The following C1QTNF2 variants were observed in gnomAD, a reference collection of about 807,000 sequenced individuals.
The protein encoded by C1QTNF2 is C1q and TNF related 2.
In C1QTNF2, 15 loss-of-function variants were observed where a neutral mutation model predicts 17.4. The observed-to-expected ratio is 0.86, with a 90% CI of 0.58 to 1.33. The LOEUF (loss-of-function observed/expected upper bound fraction) is 1.33, where lower values mean the gene tolerates loss of function less well. Among genes scored for constraint, C1QTNF2 ranks in the 40% most tolerant of loss-of-function variants. The probability of loss-of-function intolerance (pLI) is 0.00; values close to 1 mark genes in which losing one functional copy is unlikely to be tolerated. For synonymous variants in C1QTNF2, 154 were observed against 163.3 expected, an observed-to-expected ratio of 0.94 and a Z score of 0.44; for missense variants, 381 against 392.3, an observed-to-expected ratio of 0.97 and a Z score of 0.24.
chr5:160,362,190 G>T (rs1764167029), intron 1 of C1QTNF2, among the ~76,000 whole-genome samples: 1 of 152,168 alleles, frequency 6.6e-6, no homozygotes, highest in South Asian at 2.1e-4. Flanking sequence ...AACAGGGTGT[G>T]GACCAAGCTG....
chr5:160,369,536 A>AT (rs1200598380), intron 1 of C1QTNF2, among the ~76,000 whole-genome samples: 3 of 152,206 alleles, frequency 2.0e-5, no homozygotes, highest in Non-Finnish European at 4.4e-5. Context: ...GAGAGGACAG[A>AT]TTTTTAACAG....
intron 1 of C1QTNF2, among the ~76,000 whole-genome samples, chr5:160,355,621 G>T (rs1403818489): frequency 2.0e-5 from 3 of 152,146 alleles, no homozygotes; most frequent in African/African-American, 7.2e-5. Context: ...TTCATTACTT[G>T]ATCTTCACAA....
chr5:160,355,664 G>A (rs574598757), intron 1 of C1QTNF2, among the ~76,000 whole-genome samples: 13 of 152,310 alleles, frequency 8.5e-5, no homozygotes, highest in African/African-American at 2.4e-4. Context: ...GAGAAGAAGC[G>A]GAGGCTCAGA....
At chr5:160,369,060 TAAA>T (rs34894197) in intron 1 of C1QTNF2, among the ~76,000 whole-genome samples, 3 of 146,838 alleles carry the variant, frequency 2.0e-5, no homozygotes, top group Non-Finnish European at 3.0e-5. Context: ...TCTTTGAGTT[TAAA>T]AAAAAAAAAA....
intron 1 of C1QTNF2, among the ~76,000 whole-genome samples, chr5:160,365,867 C>G (rs1027160693): frequency 4.6e-5 from 7 of 152,236 alleles, no homozygotes; most frequent in African/African-American, 1.7e-4. Context: ...AAATTGTAAA[C>G]TGTATTTATG....
chr5:160,363,071 C>A (rs879746293), intron 1 of C1QTNF2, among the ~76,000 whole-genome samples: 6 of 152,150 alleles, frequency 3.9e-5, no homozygotes, highest in African/African-American at 7.2e-5. Flanking sequence ...GAGGAGGACA[C>A]CCAAATCTCA....
At position 160,349,158 on chromosome 5, in the gene C1QTNF2, C is replaced by T. The variant is rs189350757; in HGVS notation, c.*10G>A. The T allele has an allele frequency of 5.6e-6, 9 of 1,600,460 alleles. No homozygotes were observed. The highest frequency in any genetic ancestry group is 7.7e-6 in the Non-Finnish European group (9 of 1,171,382). Reference sequence around the variant, plus strand: ...GCTTGTTCCCTGCCTGGAGGACCGCCGTGGCATGTCTATACCTCGTTGGGG... The same window carrying T: ...GCTTGTTCCCTGCCTGGAGGACCGCTGTGGCATGTCTATACCTCGTTGGGG... On this transcript the variant is annotated 3_prime_UTR_variant, in exon 3 of 3. Coordinates refer to ENST00000652664, the MANE Select transcript of C1QTNF2 (RefSeq NM_031908.6). The surrounding 1 kb of genome is among the most constrained non-coding windows in gnomAD (Gnocchi z 4.3).
intron 1 of C1QTNF2, among the ~76,000 whole-genome samples, chr5:160,367,322 C>T (rs566638296): frequency 6.6e-6 from 1 of 152,348 alleles, no homozygotes; most frequent in South Asian, 2.1e-4. Context: ...TTGGGCAGGT[C>T]AACAGGTAGC....
chr5:160,357,346 T>G (rs1764070038), intron 1 of C1QTNF2, among the ~76,000 whole-genome samples: 1 of 151,966 alleles, frequency 6.6e-6, no homozygotes, highest in African/African-American at 2.4e-5. Flanking sequence ...TAGGCAAAAA[T>G]AAGGATGCAG....
At chr5:160,367,200 G>T (rs1029000186) in intron 1 of C1QTNF2, among the ~76,000 whole-genome samples, 21 of 152,116 alleles carry the variant, frequency 1.4e-4, no homozygotes, top group African/African-American at 5.1e-4. Flanking sequence ...TTTGTTTTGG[G>T]TTTTTAATTT....
chr5:160,358,147 G>T (rs956422509), intron 1 of C1QTNF2, among the ~76,000 whole-genome samples: 62 of 152,378 alleles, frequency 4.1e-4, no homozygotes, highest in African/African-American at 1.4e-3. Context: ...AGCGTTTTCT[G>T]AACTGGAGCC....
intron 1 of C1QTNF2, among the ~76,000 whole-genome samples, chr5:160,358,314 A>C (rs7704751): frequency 0.63 from 95,306 of 151,996 alleles, 29,964 homozygotes; most frequent in Middle Eastern, 0.76. Context: ...AAACAAGGCT[A>C]CAAATAGCCC....
chr5:160,354,502 C>T (rs2113510376), intron 2 of C1QTNF2, among the ~76,000 whole-genome samples: 1 of 150,170 alleles, frequency 6.7e-6, no homozygotes, highest in Non-Finnish European at 1.5e-5. Context: ...TTGCTTGATC[C>T]CAGGAGGCAG....
intron 1 of C1QTNF2, among the ~76,000 whole-genome samples, chr5:160,363,947 C>T (rs535627254): frequency 7.9e-5 from 12 of 152,182 alleles, no homozygotes; most frequent in African/African-American, 2.2e-4. Flanking sequence ...CTGACCACAG[C>T]GGTGGGGGAG....
chr5:160,356,416 GC>G (rs1764052342), intron 1 of C1QTNF2, among the ~76,000 whole-genome samples: 1 of 152,202 alleles, frequency 6.6e-6, no homozygotes, highest in Non-Finnish European at 1.5e-5. Context: ...AGGTTGTTGG[GC>G]CTTATCCCCA....
chr5:160,349,626 C>A lies in C1QTNF2; in HGVS notation c.400G>T (p.Glu134Ter), dbSNP rs746404084. ...GKKGPKGKKGEPGLPGPCSCG... is the reference protein window; with the variant it reads ...GKKGPKGKKG Reference sequence around the variant, plus strand: ...CTGCAGGGGCCTGGGAGGCCTGGCTCCCCCTTCTTGCCCTTGGGCCCCTTC... The same window carrying A: ...CTGCAGGGGCCTGGGAGGCCTGGCTACCCCTTCTTGCCCTTGGGCCCCTTC... The change falls in exon 3 of 3, where the codon GAG becomes TAG. Residue 134 changes from glutamate to a stop codon, truncating the protein, a stop_gained. Coordinates refer to ENST00000652664, the MANE Select transcript of C1QTNF2 (RefSeq NM_031908.6). LOFTEE classifies it high-confidence loss of function. The surrounding 1 kb of genome is among the most constrained non-coding windows in gnomAD (Gnocchi z 4.3). 2 of 1,613,588 alleles carry A rather than the reference C, an allele frequency of 1.2e-6. No homozygotes were observed. The highest frequency in any genetic ancestry group is 1.7e-5 in the Admixed American group (1 of 59,994).
intron 1 of C1QTNF2, among the ~76,000 whole-genome samples, chr5:160,357,929 T>C (rs1764081842): frequency 6.6e-6 from 1 of 152,124 alleles, no homozygotes; most frequent in African/African-American, 2.4e-5. Flanking sequence ...GGGAACCATC[T>C]GTCACAGCTG....
At chr5:160,368,255 T>C (rs957128367) in intron 1 of C1QTNF2, among the ~76,000 whole-genome samples, 3 of 152,152 alleles carry the variant, frequency 2.0e-5, no homozygotes, top group Admixed American at 6.5e-5. Flanking sequence ...TAGAATGGGC[T>C]GGGCGCGGTG....
At position 160,369,935 on chromosome 5, in the gene C1QTNF2, G is replaced by A. The variant is rs533265355; in HGVS notation, c.-10+577C>T. Reference sequence around the variant, plus strand: ...AGGCATTGAGTACAAATCTCTGCCTGCCGTTCAATACCTTTTGAGCTCAGT... The same window carrying A: ...AGGCATTGAGTACAAATCTCTGCCTACCGTTCAATACCTTTTGAGCTCAGT... On this transcript the variant is annotated intron_variant, in intron 1 of 2. Coordinates refer to ENST00000652664, the MANE Select transcript of C1QTNF2 (RefSeq NM_031908.6). Among the ~76,000 whole-genome samples the A allele has an allele frequency of 3.9e-5, 6 of 152,300 alleles. No individual in the cohort carries two copies. In the East Asian group the frequency reaches 9.6e-4, roughly 24 times the overall value.
Sources: allele counts gnomAD v4.1 joint callset (sites outside exome capture counted in the v4.1 genomes callset), GRCh38; gene constraint gnomAD v4.1.1; non-coding constraint Gnocchi (gnomAD v3.1); transcripts MANE v1.5; gene names NCBI Gene and HGNC (gene_info 2026-07-23, HGNC 2026-07-21).